The following OPCML variants were observed in gnomAD, a reference collection of about 807,000 sequenced individuals.
OPCML encodes the protein opioid-binding protein/cell adhesion molecule.
A neutral mutation model predicts 37.8 loss-of-function variants in OPCML; 13 were observed. The observed-to-expected ratio is 0.34, with a 90% CI of 0.22 to 0.55. The LOEUF (loss-of-function observed/expected upper bound fraction) is 0.55. Ranked by LOEUF, OPCML falls within the 20% of genes least tolerant of loss-of-function variation. The probability of loss-of-function intolerance (pLI) is 0.91; values close to 1 mark genes in which losing one functional copy is unlikely to be tolerated. For synonymous variants in OPCML, 176 were observed against 168.8 expected (o/e 1.04, Z -0.33); for missense variants, 341 against 435.6 (o/e 0.78, Z 1.93).
chr11:132,477,243 CAA>C (rs1410179947), intron 4 of OPCML, among the ~76,000 whole-genome samples: 1 of 152,208 alleles, frequency 6.6e-6, no homozygotes, highest in Non-Finnish European at 1.5e-5. Context: ...CCCTGGCCCA[CAA>C]CACATTCCTG....
chr11:133,252,069 A>T (rs191604361), intron 1 of OPCML, among the ~76,000 whole-genome samples: 9 of 152,270 alleles, frequency 5.9e-5, no homozygotes, highest in African/African-American at 1.9e-4. Flanking sequence ...GAGGGATACC[A>T]AAAAAAGGCT....
intron 1 of OPCML, among the ~76,000 whole-genome samples, chr11:133,031,295 G>A (rs1008715171): frequency 6.6e-6 from 1 of 152,016 alleles, no homozygotes; most frequent in African/African-American, 2.4e-5. Context: ...TGCATGGGTG[G>A]ATGGATAGAT....
At chr11:133,071,606 C>T (rs942516312) in intron 1 of OPCML, among the ~76,000 whole-genome samples, 4 of 152,128 alleles carry the variant, frequency 2.6e-5, no homozygotes, top group African/African-American at 9.7e-5. Flanking sequence ...CAAGTCACTC[C>T]CAGAAACCCA....
At chr11:133,355,767 G>C (rs1042959890) in intron 1 of OPCML, among the ~76,000 whole-genome samples, 1 of 152,144 alleles carries the variant, frequency 6.6e-6, no homozygotes, top group African/African-American at 2.4e-5. Context: ...GTCTTAAGTA[G>C]GTACCTCTCA....
intron 3 of OPCML, among the ~76,000 whole-genome samples, chr11:132,596,002 GA>G (rs1313935535): frequency 6.6e-6 from 1 of 152,168 alleles, no homozygotes; most frequent in African/African-American, 2.4e-5. Context: ...TTAGTTAAAA[GA>G]AGTAGCTTTG....
chr11:133,048,633 A>AT (rs1030455690), intron 1 of OPCML, among the ~76,000 whole-genome samples: 6 of 152,100 alleles, frequency 3.9e-5, no homozygotes, highest in African/African-American at 1.4e-4. Flanking sequence ...ACAATAAAAC[A>AT]TTTTTTTCTA....
intron 2 of OPCML, among the ~76,000 whole-genome samples, chr11:132,726,169 G>C (rs555672014): frequency 2.6e-5 from 4 of 152,202 alleles, no homozygotes; most frequent in East Asian, 1.9e-4. Flanking sequence ...CTGTTTTTAT[G>C]CTGCTGATAA....
intron 1 of OPCML, among the ~76,000 whole-genome samples, chr11:133,123,775 G>A (rs1476076667): frequency 6.6e-6 from 1 of 152,006 alleles, no homozygotes; most frequent in Non-Finnish European, 1.5e-5. Context: ...TCAGCACCCT[G>A]GTGCTTTAAG....
intron 1 of OPCML, among the ~76,000 whole-genome samples, chr11:133,204,384 G>T (rs1376737155): frequency 6.6e-6 from 1 of 152,118 alleles, no homozygotes; most frequent in Non-Finnish European, 1.5e-5. Context: ...TAGAGAAGAA[G>T]AAGTTAGTGA....
chr11:133,330,309 C>T (rs537471019), intron 1 of OPCML, among the ~76,000 whole-genome samples: 32 of 152,276 alleles, frequency 2.1e-4, no homozygotes, highest in Admixed American at 1.8e-3. Context: ...CTAGAAATAC[C>T]ATTTGACCCA....
intron 2 of OPCML, among the ~76,000 whole-genome samples, chr11:132,688,227 A>T (rs1026048896): frequency 1.3e-5 from 2 of 152,062 alleles, no homozygotes; most frequent in Non-Finnish European, 2.9e-5. Context: ...AAAAACCCAC[A>T]TTCCCCTGTG....
chr11:133,351,890 T>G (rs540582254), intron 1 of OPCML, among the ~76,000 whole-genome samples: 10 of 152,306 alleles, frequency 6.6e-5, no homozygotes, highest in East Asian at 5.8e-4. Flanking sequence ...GCCAGCTGAT[T>G]GGGCCTAAAG....
chr11:132,745,639 T>G (rs1945603814), intron 2 of OPCML, among the ~76,000 whole-genome samples: 1 of 151,702 alleles, frequency 6.6e-6, no homozygotes, highest in Non-Finnish European at 1.5e-5. Context: ...GCTTTCTCTC[T>G]TTCTTGAGGG....
chr11:132,546,681 C>A (rs553507972), intron 3 of OPCML, among the ~76,000 whole-genome samples: 1 of 152,264 alleles, frequency 6.6e-6, no homozygotes, highest in Admixed American at 6.5e-5. Context: ...TGGAGAGTTT[C>A]TTAAGCTATT....
intron 1 of OPCML, among the ~76,000 whole-genome samples, chr11:133,192,653 CTT>C (rs1216622682): frequency 6.6e-6 from 1 of 152,200 alleles, no homozygotes; most frequent in Non-Finnish European, 1.5e-5. Flanking sequence ...GGGCAAGTCA[CTT>C]AGCCTCCTTG....
intron 2 of OPCML, among the ~76,000 whole-genome samples, chr11:132,903,981 G>A (rs772023931): frequency 2.6e-5 from 4 of 152,200 alleles, no homozygotes; most frequent in Non-Finnish European, 4.4e-5. Context: ...TGGCTTCAAG[G>A]AAACATATTA....
At chr11:132,728,650 T>C (rs1944970343) in intron 2 of OPCML, among the ~76,000 whole-genome samples, 1 of 152,154 alleles carries the variant, frequency 6.6e-6, no homozygotes, top group Admixed American at 6.5e-5. Context: ...CCTAAGTGCC[T>C]AAAATAGTAC....
intron 1 of OPCML, among the ~76,000 whole-genome samples, chr11:133,271,930 C>G (rs971723292): frequency 2.8e-4 from 42 of 152,282 alleles, no homozygotes; most frequent in African/African-American, 8.4e-4. Context: ...ATCTGTGATG[C>G]TCAGAGTCTA....
chr11:132,638,600 C>T (rs1238479064), intron 3 of OPCML, among the ~76,000 whole-genome samples: 2 of 152,158 alleles, frequency 1.3e-5, no homozygotes, highest in African/African-American at 4.8e-5. Context: ...TTACACATAA[C>T]ATCACTATTG....
Sources: gnomAD v4.1 joint callset for allele counts (sites outside exome capture counted in the v4.1 genomes callset) on GRCh38, gnomAD v4.1.1 for gene constraint, MANE v1.5 for transcripts, NCBI Gene and HGNC (gene_info 2026-07-23, HGNC 2026-07-21) for gene names.